KCNIP4: variants seen among roughly 807,000 people sequenced by gnomAD.
KCNIP4 encodes the protein Kv channel-interacting protein 4.
KCNIP4 carries 12 observed loss-of-function variants against 34.0 expected under a neutral mutation model. That is an observed-to-expected ratio of 0.35 (90% CI 0.23 to 0.57). The LOEUF is 0.57. Ranked by LOEUF, KCNIP4 falls within the 20% of genes least tolerant of loss-of-function variation. The pLI, the probability that KCNIP4 is intolerant of heterozygous loss-of-function variation, is 0.83. For missense variants in KCNIP4, 238 were observed against 311.7 expected (o/e 0.76, Z 1.78); for synonymous variants, 124 against 102.2 (o/e 1.21, Z -1.29).
intron 1 of KCNIP4, among the ~76,000 whole-genome samples, chr4:21,093,889 T>C (rs917699681): frequency 3.9e-5 from 6 of 152,106 alleles, no homozygotes; most frequent in African/African-American, 1.2e-4. Context: ...GAGACCATCC[T>C]GACTAACACG....
At chr4:20,888,582 G>A (rs1725570053) in intron 1 of KCNIP4, among the ~76,000 whole-genome samples, 1 of 152,048 alleles carries the variant, frequency 6.6e-6, no homozygotes, top group Non-Finnish European at 1.5e-5. Context: ...TCTCCAAACT[G>A]CCTTAGTATG....
At chr4:21,063,471 C>T (rs1312397456) in intron 1 of KCNIP4, among the ~76,000 whole-genome samples, 1 of 151,996 alleles carries the variant, frequency 6.6e-6, no homozygotes, top group South Asian at 2.1e-4. Flanking sequence ...TTCTTTCAAC[C>T]AACACTTATT....
At chr4:20,803,729 GGA>G (rs33918683) in intron 3 of KCNIP4, among the ~76,000 whole-genome samples, 65 of 122,616 alleles carry the variant, frequency 5.3e-4, no homozygotes, top group African/African-American at 2.1e-3. Context: ...GAGAGAGAGA[GGA>G]AGGAAGGAAG....
intron 2 of KCNIP4, among the ~76,000 whole-genome samples, chr4:20,875,461 A>G (rs1442076765): frequency 6.6e-6 from 1 of 152,234 alleles, no homozygotes; most frequent in African/African-American, 2.4e-5. Flanking sequence ...AAACTGTACC[A>G]GACACATAGT....
At chr4:20,978,568 C>T (rs1735712285) in intron 1 of KCNIP4, among the ~76,000 whole-genome samples, 1 of 152,114 alleles carries the variant, frequency 6.6e-6, no homozygotes, top group Admixed American at 6.5e-5. Context: ...CATGGTGTTA[C>T]CTCACCCAGC....
intron 1 of KCNIP4, among the ~76,000 whole-genome samples, chr4:21,010,428 G>A (rs757972517): frequency 3.9e-5 from 6 of 152,194 alleles, no homozygotes; most frequent in Non-Finnish European, 8.8e-5. Flanking sequence ...CTGAATGGCA[G>A]AGCACCTTTT....
chr4:21,550,057 T>C (rs1471667165), intron 1 of KCNIP4, among the ~76,000 whole-genome samples: 1 of 152,160 alleles, frequency 6.6e-6, no homozygotes, highest in East Asian at 1.9e-4. Flanking sequence ...TCTTCACTGA[T>C]TTAAATTCGT....
chr4:21,528,760 A>G (rs867284675), intron 1 of KCNIP4, among the ~76,000 whole-genome samples: 95 of 9,144 alleles, frequency 0.01, 2 homozygotes, highest in East Asian at 0.015. Context: ...AGAAAGAAAG[A>G]AAGAAAGAAA....
chr4:21,074,938 T>G (rs534721092), intron 1 of KCNIP4, among the ~76,000 whole-genome samples: 77 of 152,330 alleles, frequency 5.1e-4, no homozygotes, highest in African/African-American at 1.8e-3. Flanking sequence ...TTCCATGTAG[T>G]TGAGCAGTTT....
chr4:21,104,402 G>A (rs1309528973), intron 1 of KCNIP4, among the ~76,000 whole-genome samples: 3 of 152,180 alleles, frequency 2.0e-5, no homozygotes, highest in African/African-American at 7.2e-5. Flanking sequence ...CTTTTGAGAA[G>A]TGTCTGTTCA....
At chr4:21,900,464 C>T (rs1032900975) in intron 1 of KCNIP4, among the ~76,000 whole-genome samples, 2 of 152,118 alleles carry the variant, frequency 1.3e-5, no homozygotes, top group African/African-American at 4.8e-5. Flanking sequence ...GAGAAAGGTC[C>T]TTCTTGCCTG....
intron 1 of KCNIP4, among the ~76,000 whole-genome samples, chr4:20,988,013 A>AAAT (rs1369979849): frequency 3.3e-5 from 5 of 149,942 alleles, no homozygotes; most frequent in African/African-American, 1.2e-4. Context: ...AAAAAAAAAA[A>AAAT]AAAAAAAAAT....
At chr4:21,388,620 A>G (rs1343581641) in intron 1 of KCNIP4, among the ~76,000 whole-genome samples, 2 of 152,120 alleles carry the variant, frequency 1.3e-5, no homozygotes, top group Admixed American at 6.6e-5. Context: ...ATTTTAGAAG[A>G]TCTTTGCCCT....
intron 1 of KCNIP4, among the ~76,000 whole-genome samples, chr4:21,178,211 G>T (rs1038641762): frequency 1.3e-5 from 2 of 152,120 alleles, no homozygotes; most frequent in African/African-American, 4.8e-5. Context: ...GCTCCAAAGG[G>T]CACAAGGCAG....
At chr4:21,369,880 G>A (rs1720160445) in intron 1 of KCNIP4, among the ~76,000 whole-genome samples, 1 of 142,464 alleles carries the variant, frequency 7.0e-6, no homozygotes, top group Admixed American at 6.8e-5. Flanking sequence ...GGAGTTCAGT[G>A]GCACCATCTC....
At position 21,453,841 on chromosome 4, in the gene KCNIP4, A is replaced by G. The variant is rs531852320; in HGVS notation, c.61+494730T>C. Among the ~76,000 whole-genome samples, 84 of 152,228 alleles carry G rather than the reference A, an allele frequency of 5.5e-4. 1 individual carries two copies. Among genetic ancestry groups the G allele is most frequent in the African/African-American group, 2.0e-3 (83 of 41,544 alleles). Reference sequence around the variant, plus strand: ...TTTGCCAGGGAAGCAGTGCTGCGTGATGGCTGAGCACCTAAGCTCTAAAGT... The same window carrying G: ...TTTGCCAGGGAAGCAGTGCTGCGTGGTGGCTGAGCACCTAAGCTCTAAAGT... On this transcript the variant is annotated intron_variant, in intron 1 of 8. Coordinates refer to ENST00000382152, the MANE Select transcript of KCNIP4 (RefSeq NM_025221.6).
At chr4:20,977,629 G>A (rs932506684) in intron 1 of KCNIP4, among the ~76,000 whole-genome samples, 4 of 152,120 alleles carry the variant, frequency 2.6e-5, no homozygotes, top group Admixed American at 2.0e-4. Context: ...TCAGTATCAA[G>A]CACATTGCCA....
intron 1 of KCNIP4, among the ~76,000 whole-genome samples, chr4:21,920,540 C>T (rs116369171): frequency 6.6e-6 from 1 of 152,068 alleles, no homozygotes; most frequent in Non-Finnish European, 1.5e-5. Flanking sequence ...GTGAAGAGCA[C>T]ACTGAAGTCT....
chr4:21,918,523 AC>A (rs1421583980), intron 1 of KCNIP4, among the ~76,000 whole-genome samples: 1 of 151,874 alleles, frequency 6.6e-6, no homozygotes, highest in African/African-American at 2.4e-5. Flanking sequence ...GGACTGTGAC[AC>A]CCCCCTCCAC....
Sources: allele counts gnomAD v4.1 joint callset (sites outside exome capture counted in the v4.1 genomes callset), GRCh38; gene constraint gnomAD v4.1.1; transcripts MANE v1.5; gene names NCBI Gene and HGNC (gene_info 2026-07-23, HGNC 2026-07-21).